The following MYO15A variants were observed in gnomAD, a reference collection of about 807,000 sequenced individuals.
MYO15A encodes unconventional myosin-XV.
MYO15A carries 308 observed loss-of-function variants against 394.6 expected under a neutral mutation model. The observed-to-expected ratio is 0.78, with a 90% CI of 0.71 to 0.86. MYO15A has a LOEUF of 0.86. Ranked by LOEUF, MYO15A falls within the 40% of genes least tolerant of loss-of-function variation. The probability of loss-of-function intolerance (pLI) is 0.00; values close to 1 mark genes in which losing one functional copy is unlikely to be tolerated. For missense variants in MYO15A, 4,606 were observed against 4,799.1 expected (o/e 0.96, Z 1.19); for synonymous variants, 1,957 against 2,003.8 (o/e 0.98, Z 0.62).
In MYO15A at chr17:18,151,034, C is replaced by G. The variant is rs138130836; in HGVS notation, c.7474-76C>G. 2,807 of 1,609,340 alleles carry G rather than the reference C, an allele frequency of 1.7e-3. 38 individuals carry two copies. The African/African-American group carries it at 0.032, about 19-fold the overall frequency. On this transcript the variant is annotated intron_variant, in intron 38 of 65. Transcript: ENST00000647165. ...AGCCCAGGAGCTCCACAACCCATCT[C>G]TGACAGAGATCTGGAGTCCCAGAGA... is the stretch of plus-strand genomic sequence containing the variant.
Position 18,150,566 on chromosome 17 carries a change from T to C in MYO15A, c.7327+23T>C. 6.2e-7 allele frequency: 1 copy of C among 1,613,664 alleles called. No individual in the cohort carries two copies. Among genetic ancestry groups the C allele is most frequent in the Non-Finnish European group, 8.5e-7 (1 of 1,179,656 alleles). On this transcript the variant is annotated intron_variant, in intron 36 of 65. Coordinates refer to ENST00000647165, the MANE Select transcript of MYO15A (RefSeq NM_016239.4). This position sits in a 1 kb window ranked among gnomAD's most constrained non-coding sequence, Gnocchi z 4.4. ...CAAGTCAGTGCCTCCCCAGGGTGGT[T>C]CCAGGGTTGGGCAGGGCCAGAGCCA...
At chr17:18,128,485 C>T (rs2046093514) in intron 7 of MYO15A, among the ~76,000 whole-genome samples, 1 of 152,160 alleles carries the variant, frequency 6.6e-6, no homozygotes, top group Admixed American at 6.5e-5. Flanking sequence ...CAGGTTCCAG[C>T]CTGGCCTGGC....
At position 18,147,298 on chromosome 17, in the gene MYO15A, C is replaced by T. The variant is rs2046498508; in HGVS notation, c.6510-731C>T. Among the ~76,000 whole-genome samples the T allele has an allele frequency of 6.6e-6, 1 of 152,210 alleles. No individual in the cohort carries two copies. The highest frequency in any genetic ancestry group is 6.5e-5 in the Admixed American group (1 of 15,282). On this transcript the variant is annotated intron_variant, in intron 30 of 65. Coordinates refer to ENST00000647165, the MANE Select transcript of MYO15A (RefSeq NM_016239.4). The surrounding 1 kb of genome is among the most constrained non-coding windows in gnomAD (Gnocchi z 4.4). ...GCCAGCATGCAGCAAATGGACATCA[C>T]CTGGCCAGTCTTGTGACTCTGTGGC...
In MYO15A at chr17:18,132,580, G is replaced by C; in HGVS notation, c.4320+14G>C. ...TATCTGAACCAGGTGAGTGCCAGCA[G>C]GCATCTGAAGGCCCCTGGCCCTGGT... On this transcript the variant is annotated intron_variant, in intron 11 of 65. Coordinates refer to ENST00000647165, the MANE Select transcript of MYO15A (RefSeq NM_016239.4). This position sits in a 1 kb window ranked among gnomAD's most constrained non-coding sequence, Gnocchi z 4.6. 1 of 1,601,996 alleles carries C rather than the reference G, an allele frequency of 6.2e-7. No individual in the cohort carries two copies. The highest frequency in any genetic ancestry group is 1.1e-5 in the South Asian group (1 of 90,950).
Position 18,132,645 on chromosome 17 carries a change from AGTT to A in MYO15A, c.4320+82_4320+84del. On this transcript the variant is annotated intron_variant, in intron 11 of 65. Coordinates refer to ENST00000647165, the MANE Select transcript of MYO15A (RefSeq NM_016239.4). This position sits in a 1 kb window ranked among gnomAD's most constrained non-coding sequence, Gnocchi z 4.6. ...GCCCCTGGCTGGGCCTTGGGAGCCG[AGTT>A]GTGAGTGATGGAGTGTGAAGGTGAA... 1 of 1,158,924 alleles carries A rather than the reference AGTT, an allele frequency of 8.6e-7. No individual in the cohort carries two copies. The highest frequency in any genetic ancestry group is 1.3e-6 in the Non-Finnish European group (1 of 782,694). The allele number at this position is 1,158,924 out of a possible 1,614,324, so 71.8% of individuals were successfully genotyped here. A position where few individuals can be genotyped will look rare whatever the true frequency, so the allele number is the denominator to read the frequency against.
rs377164557 is a variant in MYO15A, at chr17:18,151,182, G to A, written c.7546G>A (p.Ala2516Thr). 3.7e-6 allele frequency: 6 copies of A among 1,614,058 alleles called. No individual in the cohort carries two copies. The African/African-American group carries it at 8.0e-5, about 22-fold the overall frequency. Residue 2516 changes from alanine to threonine, a missense_variant, in exon 39 of 66, where the codon GCC becomes ACC. This residue lies in a region of MYO15A where 2,776 missense variants were observed against 3,109.3 expected (regional missense o/e 0.89). Transcript: ENST00000647165. ...GPPAKPVLLRATPKPLAPAPL... is the reference protein window; with the variant it reads ...GPPAKPVLLRTTPKPLAPAPL... ...CCCTGCCAAACCCGTGCTCCTGCGT[G>A]CCACTCCAAAGCCCTTGGCCCCAGC...
chr17:18,158,421 G>A (rs2046721234), intron 51 of MYO15A, 102 bp from the exon 52 acceptor site: 3 of 1,039,228 alleles, frequency 2.9e-6, no homozygotes, highest in African/African-American at 1.6e-5. Context: ...GGCGGCTTGA[G>A]AATCTGGGTC....
intron 54 of MYO15A, 78 bp downstream of exon 54, chr17:18,159,425 C>T: frequency 1.9e-6 from 3 of 1,544,500 alleles, no homozygotes; most frequent in Non-Finnish European, 2.7e-6. Flanking sequence ...GTTGCCACTC[C>T]TCCCTGATCT....
In MYO15A at chr17:18,141,780, G is replaced by A. The variant is rs1386029380; in HGVS notation, c.5649+10G>A. On this transcript the variant is annotated intron_variant, in intron 23 of 65. Coordinates refer to ENST00000647165, the MANE Select transcript of MYO15A (RefSeq NM_016239.4). ...TGTTGGGGTCAGCAAGGTGAGTCCT[G>A]CCCGACAGTCAGCCCTTGGAGACCC... The A allele has an allele frequency of 1.2e-6, 2 of 1,613,452 alleles. No individual in the cohort carries two copies. The highest frequency in any genetic ancestry group is 2.2e-5 in the East Asian group (1 of 44,896).
chr17:18,129,434 A>T (rs2046112314), intron 7 of MYO15A, among the ~76,000 whole-genome samples: 1 of 152,178 alleles, frequency 6.6e-6, no homozygotes, highest in Admixed American at 6.5e-5. Flanking sequence ...GGCCAGCCCC[A>T]TCCCTCTCTG....
At position 18,149,495 on chromosome 17, in the gene MYO15A, G is replaced by C; in HGVS notation, c.7127G>C (p.Ser2376Thr). 1 of 1,614,198 alleles carries C rather than the reference G, an allele frequency of 6.2e-7. No individual in the cohort carries two copies. The highest frequency in any genetic ancestry group is 1.1e-5 in the South Asian group (1 of 91,088). ...GTGCCTTCCCCTCCAGAGTCAGACA[G>C]TCTTGGAGAGCCTGCTGTGCCCCAC... is the stretch of plus-strand genomic sequence containing the variant. ...RGTATHQESD[S>T]LGEPAVPHKG... Residue 2376 changes from serine (S) to threonine (T), a missense_variant, in exon 35 of 66, where the codon AGT becomes ACT. Coordinates refer to ENST00000647165, the MANE Select transcript of MYO15A (RefSeq NM_016239.4).
chr17:18,139,920 C>T (rs935213847), intron 19 of MYO15A, among the ~76,000 whole-genome samples: 1 of 152,236 alleles, frequency 6.6e-6, no homozygotes, highest in South Asian at 2.1e-4. Context: ...GTACTTACCC[C>T]ACTCTGGGCC....
rs1049949634 is a variant in MYO15A at position 18,148,106 on chromosome 17, A to C, written c.6587A>C (p.Gln2196Pro). ...CTCATGCAGGCCATGGGCCGGGCCCAACAGCAGGGCTCGGGGGCTGCCCGC... is the reference window on the plus strand; with the variant it reads ...CTCATGCAGGCCATGGGCCGGGCCCCACAGCAGGGCTCGGGGGCTGCCCGC... Reference protein sequence around the residue: ...HRLMQAMGRAQQQGSGAARTL... With the variant: ...HRLMQAMGRAPQQGSGAARTL... Residue 2196 changes from glutamine to proline, a missense_variant, in exon 31 of 66, where the codon CAA becomes CCA. Transcript: ENST00000647165. The surrounding 1 kb of genome is among the most constrained non-coding windows in gnomAD (Gnocchi z 4.8). 3 of 1,613,896 alleles carry C rather than the reference A, an allele frequency of 1.9e-6. No individual in the cohort carries two copies. Among genetic ancestry groups the C allele is most frequent in the Non-Finnish European group, 2.5e-6 (3 of 1,180,042 alleles).
chr17:18,126,584 A>G, intron 5 of MYO15A, 128 bp downstream of exon 5: 1 of 1,071,454 alleles, frequency 9.3e-7, no homozygotes, highest in African/African-American at 1.6e-5. Context: ...CACCTACTCA[A>G]TCTGACAGTC....
chr17:18,167,737 C>T lies in MYO15A; in HGVS notation c.10082+14C>T, dbSNP rs759702112. 3 of 1,602,138 alleles carry T rather than the reference C, an allele frequency of 1.9e-6. No homozygotes were observed. Among genetic ancestry groups the T allele is most frequent in the South Asian group, 2.2e-5 (2 of 91,078 alleles). On this transcript the variant is annotated intron_variant, in intron 62 of 65. Coordinates refer to ENST00000647165, the MANE Select transcript of MYO15A (RefSeq NM_016239.4). Reference sequence around the variant, plus strand: ...CCTGCCGAGCGTGTGAGCATCTGCCCTCCTGCCTCAGCTGGGGTGGACAGG... The same window carrying T: ...CCTGCCGAGCGTGTGAGCATCTGCCTTCCTGCCTCAGCTGGGGTGGACAGG...
chr17:18,158,626 A>G lies in MYO15A; in HGVS notation c.9071A>G (p.Gln3024Arg), dbSNP rs2046725244. 2 of 1,613,994 alleles carry G rather than the reference A, an allele frequency of 1.2e-6. No homozygotes were observed. Among genetic ancestry groups the G allele is most frequent in the African/African-American group, 2.7e-5 (2 of 74,916 alleles). The part of the protein sequence containing the change: ...EFAQKYFRDP[Q>R]RRPQDGLRLK... ...GCCCAGAAGTATTTCCGAGACCCTC[A>G]GAGGAGACCCCAGTGAGTGGCGGCC... Residue 3024 changes from glutamine (Q) to arginine (R), a missense_variant, in exon 52 of 66, where the codon CAG becomes CGG. Physicochemically the swap from Gln to Arg is conservative, Grantham distance 43 (BLOSUM62 1). Transcript: ENST00000647165.
At chr17:18,139,721 G>C in intron 19 of MYO15A, 110 bp downstream of exon 19, 4 of 1,309,764 alleles carry the variant, frequency 3.1e-6, no homozygotes, top group Non-Finnish European at 3.2e-6. Flanking sequence ...GCTCCGCTTA[G>C]CTTTGGCCAG....
intron 17 of MYO15A, 27 bp from the exon 18 acceptor site, chr17:18,138,784 A>C: frequency 6.2e-7 from 1 of 1,612,738 alleles, no homozygotes; most frequent in Non-Finnish European, 8.5e-7. Context: ...CCTCCTGCCC[A>C]CCCACTGATC....
intron 10 of MYO15A, among the ~76,000 whole-genome samples, chr17:18,131,833 C>T (rs566010784): frequency 1.4e-4 from 22 of 152,026 alleles, no homozygotes; most frequent in Non-Finnish European, 2.5e-4. Context: ...TCCTCCAAGT[C>T]TCCCCTACAA....
Sources: allele counts gnomAD v4.1 joint callset (sites outside exome capture counted in the v4.1 genomes callset), GRCh38; gene constraint gnomAD v4.1.1; regional missense constraint gnomAD v4.1.1; non-coding constraint Gnocchi (gnomAD v3.1); transcripts MANE v1.5; gene names NCBI Gene and HGNC (gene_info 2026-07-23, HGNC 2026-07-21).